The following RAB8B variants were observed in gnomAD, a reference collection of about 807,000 sequenced individuals.
The protein encoded by RAB8B is RAB8B, member RAS oncogene family.
A neutral mutation model predicts 32.0 loss-of-function variants in RAB8B; 11 were observed. The ratio of observed to expected loss-of-function variants is 0.34; its 90% CI spans 0.22 to 0.57. The LOEUF is 0.57. Ranked by LOEUF, RAB8B falls within the 20% of genes least tolerant of loss-of-function variation. The pLI is 0.86. For synonymous variants in RAB8B, 103 were observed against 89.6 expected (o/e 1.15, Z -0.85); for missense variants, 190 against 258.5 (o/e 0.73, Z 1.82).
intron 1 of RAB8B, among the ~76,000 whole-genome samples, chr15:63,198,126 G>C (rs1040839703): frequency 6.6e-5 from 10 of 152,268 alleles, no homozygotes; most frequent in African/African-American, 2.4e-4. Context: ...CTTAGAGGAA[G>C]AAATAAATCT....
rs552030499 is a variant in RAB8B, at chr15:63,257,880, G to A, written c.414+1286G>A. ...TCGAGACCAGCCTGACCAACATGGTGAAACACTGTCTCTACTAAAAATACA... is the reference window on the plus strand; with the variant it reads ...TCGAGACCAGCCTGACCAACATGGTAAAACACTGTCTCTACTAAAAATACA... On this transcript the variant is annotated intron_variant, in intron 5 of 7. Transcript: ENST00000321437. 3.9e-3 allele frequency among the ~76,000 whole-genome samples: 593 copies of A among 151,616 alleles called. 2 individuals are homozygous for A. Among genetic ancestry groups the A allele is most frequent in the Non-Finnish European group, 5.4e-3 (370 of 67,918 alleles).
At chr15:63,221,315 G>C (rs1207811130) in intron 1 of RAB8B, among the ~76,000 whole-genome samples, 1 of 152,156 alleles carries the variant, frequency 6.6e-6, no homozygotes, top group Non-Finnish European at 1.5e-5. Context: ...ATCCTGTGGT[G>C]CATACAGTCT....
At position 63,229,743 on chromosome 15, in the gene RAB8B, G is replaced by A. The variant is rs373546582; in HGVS notation, c.125-15013G>A. Among the ~76,000 whole-genome samples, 7 of 129,022 alleles carry A rather than the reference G, an allele frequency of 5.4e-5. No homozygotes were observed. In the East Asian group the frequency reaches 7.8e-4, roughly 14 times the overall value. The allele number at this position is 129,022 out of a possible 152,430, so 84.6% of individuals were successfully genotyped here. On this transcript the variant is annotated intron_variant, in intron 1 of 7. Transcript: ENST00000321437. ...TTGCAGTGAGCCGAGATTGCACCAC[G>A]GCACTCCAGCCTAGGTGACAGAGCA...
intron 4 of RAB8B, 150 bp downstream of exon 4, chr15:63,255,734 G>A (rs1219893188): frequency 6.6e-6 from 4 of 608,676 alleles, no homozygotes; most frequent in Non-Finnish European, 8.8e-6. Flanking sequence ...TAAATCTCTG[G>A]TGCTGCCAGT....
Position 63,266,340 on chromosome 15 carries a change from TA to T in RAB8B, c.*2725del, listed in dbSNP as rs2038247825. 6.6e-6 allele frequency: 1 copy of T among 152,602 alleles called. No individual in the cohort carries two copies. The highest frequency in any genetic ancestry group is 6.5e-5 in the Admixed American group (1 of 15,278). The allele number at this position is 152,602 out of a possible 1,614,324, so 9.5% of individuals were successfully genotyped here. ...AAGTAGCATGTAAATCAGTTGATTG[TA>T]AAACGTTTCGCTGGGAACTTATTTT... On this transcript the variant is annotated 3_prime_UTR_variant, in exon 8 of 8. Coordinates refer to ENST00000321437, the MANE Select transcript of RAB8B (RefSeq NM_016530.3).
rs539009231 is a variant in RAB8B, at chr15:63,213,083, G to T, written c.124+23335G>T. On this transcript the variant is annotated intron_variant, in intron 1 of 7. Coordinates refer to ENST00000321437, the MANE Select transcript of RAB8B (RefSeq NM_016530.3). ...CTTTCCTCCCTTCCTTCCCTCTTTG[G>T]AATCAAAAAGGAACTCTCTAGGTTC... Among the ~76,000 whole-genome samples, 8 of 151,700 alleles carry T rather than the reference G, an allele frequency of 5.3e-5. No individual in the cohort carries two copies. The East Asian group carries it at 9.7e-4, about 18-fold the overall frequency.
At chr15:63,197,759 A>G (rs1004001018) in intron 1 of RAB8B, among the ~76,000 whole-genome samples, 1 of 151,948 alleles carries the variant, frequency 6.6e-6, no homozygotes, top group African/African-American at 2.4e-5. Flanking sequence ...GTCAATCCTG[A>G]TGGATTGGTA....
intron 3 of RAB8B, among the ~76,000 whole-genome samples, chr15:63,253,153 T>C (rs10152434): frequency 0.25 from 37,270 of 152,080 alleles, 4,905 homozygotes; most frequent in Admixed American, 0.33. Context: ...GAAGGGAGGA[T>C]AGAGGAGTTG....
At chr15:63,199,497 TATAGA>T (rs1485905611) in intron 1 of RAB8B, among the ~76,000 whole-genome samples, 1 of 152,148 alleles carries the variant, frequency 6.6e-6, no homozygotes, top group South Asian at 2.1e-4. Context: ...TTTCCAACCT[TATAGA>T]AGGATGAAAA....
Position 63,259,167 on chromosome 15 carries a change from T to C in RAB8B, c.415-460T>C, listed in dbSNP as rs971994740. Among the ~76,000 whole-genome samples, 1 of 152,196 alleles carries C rather than the reference T, an allele frequency of 6.6e-6. No homozygotes were observed. Among genetic ancestry groups the C allele is most frequent in the African/African-American group, 2.4e-5 (1 of 41,450 alleles). On this transcript the variant is annotated intron_variant, in intron 5 of 7. Transcript: ENST00000321437. The surrounding 1 kb of genome is among the most constrained non-coding windows in gnomAD (Gnocchi z 4.4). ...CAGAGTCTCGCTCTGTCACCTGGAC[T>C]GGAGTGCAGTGGTGCGATCTCGGCT...
chr15:63,255,766 G>T (rs879167403), intron 4 of RAB8B, among the ~76,000 whole-genome samples, 182 bp downstream of exon 4: 2 of 152,208 alleles, frequency 1.3e-5, no homozygotes, highest in African/African-American at 2.4e-5. Context: ...GGGTTAGGGG[G>T]ACAGAGAAGT....
intron 1 of RAB8B, among the ~76,000 whole-genome samples, chr15:63,240,782 A>G (rs994766140): frequency 4.7e-5 from 7 of 147,466 alleles, no homozygotes; most frequent in South Asian, 2.2e-4. Context: ...ACTTCCTCAC[A>G]TAACTGAAAG....
intron 1 of RAB8B, among the ~76,000 whole-genome samples, chr15:63,230,449 C>G (rs565482242): frequency 1.3e-5 from 2 of 152,056 alleles, no homozygotes; most frequent in South Asian, 4.1e-4. Context: ...TTACAGGCGC[C>G]CACCACCACA....
intron 1 of RAB8B, among the ~76,000 whole-genome samples, chr15:63,198,024 C>T (rs1298469660): frequency 6.6e-6 from 1 of 151,980 alleles, no homozygotes; most frequent in Non-Finnish European, 1.5e-5. Context: ...TGGAGAGGTG[C>T]CCTTTTCCTA....
rs192992287 is a variant in RAB8B at position 63,240,693 on chromosome 15, A to G, written c.125-4063A>G. 9.9e-5 allele frequency among the ~76,000 whole-genome samples: 15 copies of G among 152,042 alleles called. No homozygotes were observed. The East Asian group carries it at 2.5e-3, about 26-fold the overall frequency. On this transcript the variant is annotated intron_variant, in intron 1 of 7. Coordinates refer to ENST00000321437, the MANE Select transcript of RAB8B (RefSeq NM_016530.3). ...TGACAACAGCATAAGCAAAAGCTAA[A>G]TGCCATAGTTCACAGCTCTTAGAAA...
chr15:63,207,287 C>T (rs754906878), intron 1 of RAB8B, among the ~76,000 whole-genome samples: 5 of 152,136 alleles, frequency 3.3e-5, no homozygotes, highest in African/African-American at 1.2e-4. Flanking sequence ...TAGCGCAGTG[C>T]GGGGCACGTA....
chr15:63,263,730 CACTGAACTTAG>C lies in RAB8B; in HGVS notation c.*114_*124del. ...ACCTCCCGGCTGCTGCTGAGAGCACCACTGAACTTAGACCTCTCAACACAGTATGCCAAGTG... is the reference window on the plus strand; with the variant it reads ...ACCTCCCGGCTGCTGCTGAGAGCACCACCTCTCAACACAGTATGCCAAGTG... On this transcript the variant is annotated 3_prime_UTR_variant, in exon 8 of 8. Coordinates refer to ENST00000321437, the MANE Select transcript of RAB8B (RefSeq NM_016530.3). The C allele has an allele frequency of 1.2e-6, 1 of 829,488 alleles. No homozygotes were observed. The highest frequency in any genetic ancestry group is 2.6e-5 in the East Asian group (1 of 37,852). 51.4% of individuals were successfully genotyped at this position (829,488 alleles called of 1,614,324 possible).
Position 63,264,731 on chromosome 15 carries a change from T to C in RAB8B, c.*1112T>C, listed in dbSNP as rs1469506154. 2.0e-5 allele frequency: 3 copies of C among 152,218 alleles called. No individual in the cohort carries two copies. The highest frequency in any genetic ancestry group is 7.2e-5 in the African/African-American group (3 of 41,456). 9.4% of individuals were successfully genotyped at this position (152,218 alleles called of 1,614,324 possible). On this transcript the variant is annotated 3_prime_UTR_variant, in exon 8 of 8. Transcript: ENST00000321437. ...AATAATGAGTTTTGGTTGGTTTTAT[T>C]TGGCAGATGTTTTTAGAAATAAAAG...
chr15:63,245,376 A>T (rs751669143), intron 2 of RAB8B, among the ~76,000 whole-genome samples: 1 of 152,252 alleles, frequency 6.6e-6, no homozygotes, highest in Non-Finnish European at 1.5e-5. Context: ...TGAGAAAAAA[A>T]ATCATGTCAT....
Sources: gnomAD v4.1 joint callset for allele counts (sites outside exome capture counted in the v4.1 genomes callset) on GRCh38, gnomAD v4.1.1 for gene constraint, Gnocchi (gnomAD v3.1) non-coding constraint, MANE v1.5 for transcripts, NCBI Gene and HGNC (gene_info 2026-07-23, HGNC 2026-07-21) for gene names.